Variants in UBE2H observed in about 807,000 individuals in gnomAD.
UBE2H encodes ubiquitin conjugating enzyme E2 H.
Under a neutral mutation model 29.0 loss-of-function variants are expected in UBE2H, and 3 were observed. The observed-to-expected ratio is 0.10, with a 90% confidence interval of 0.05 to 0.27. UBE2H has a LOEUF of 0.27. Among genes scored for constraint, UBE2H ranks in the 10% least tolerant of loss-of-function variants. The probability of loss-of-function intolerance (pLI) is 1.00; values close to 1 mark genes in which losing one functional copy is unlikely to be tolerated. For missense variants in UBE2H, 68 were observed against 228.2 expected, an observed-to-expected ratio of 0.30 and a Z score of 4.52; for synonymous variants, 69 against 82.9, an observed-to-expected ratio of 0.83 and a Z score of 0.91.
chr7:129,897,258 T>A (rs924373720), intron 1 of UBE2H, among the ~76,000 whole-genome samples: 4 of 152,028 alleles, frequency 2.6e-5, no homozygotes, highest in Non-Finnish European at 5.9e-5. Flanking sequence ...TACCTATAAA[T>A]CCAGAGGAAA....
intron 3 of UBE2H, chr7:129,864,929 G>T: frequency 4.2e-6 from 1 of 238,566 alleles, no homozygotes; most frequent in South Asian, 4.6e-5. Flanking sequence ...TTTTTGGACA[G>T]TTATTCTCTG....
intron 3 of UBE2H, among the ~76,000 whole-genome samples, chr7:129,860,562 AT>A (rs1805781410): frequency 6.6e-6 from 1 of 152,132 alleles, no homozygotes; most frequent in Admixed American, 6.6e-5. Flanking sequence ...TTGTTGCAAT[AT>A]TATTTATAAA....
intron 1 of UBE2H, among the ~76,000 whole-genome samples, chr7:129,906,450 C>T (rs951038650): frequency 3.9e-5 from 6 of 152,036 alleles, no homozygotes; most frequent in Non-Finnish European, 8.8e-5. Flanking sequence ...TGTGATCCAC[C>T]CACATCAGCC....
intron 1 of UBE2H, among the ~76,000 whole-genome samples, chr7:129,946,644 T>C (rs951101150): frequency 6.6e-6 from 1 of 152,056 alleles, no homozygotes; most frequent in Non-Finnish European, 1.5e-5. Context: ...CTCCAGGTGA[T>C]TATTTGTTTT....
intron 1 of UBE2H, among the ~76,000 whole-genome samples, chr7:129,895,756 C>A (rs190003356): frequency 6.6e-6 from 1 of 151,838 alleles, no homozygotes; most frequent in East Asian, 1.9e-4. Flanking sequence ...AAAAAATTAG[C>A]CGGGTGCCTG....
At chr7:129,848,600 T>A (rs1400067052) in intron 5 of UBE2H, among the ~76,000 whole-genome samples, 1 of 152,226 alleles carries the variant, frequency 6.6e-6, no homozygotes, top group African/African-American at 2.4e-5. Context: ...TTGAAACTCC[T>A]GGGAATTTCA....
At chr7:129,884,768 G>A (rs1449687202) in intron 1 of UBE2H, among the ~76,000 whole-genome samples, 2 of 151,878 alleles carry the variant, frequency 1.3e-5, no homozygotes, top group Non-Finnish European at 2.9e-5. Context: ...AGTTTTTGTA[G>A]AGACAGGGTC....
At chr7:129,914,703 TAAAG>T (rs1479690540) in intron 1 of UBE2H, among the ~76,000 whole-genome samples, 5 of 152,024 alleles carry the variant, frequency 3.3e-5, no homozygotes, top group African/African-American at 9.7e-5. Context: ...CTTGATGAAA[TAAAG>T]AACCACACTC....
chr7:129,896,005 T>C (rs1424496181), intron 1 of UBE2H, among the ~76,000 whole-genome samples: 1 of 152,110 alleles, frequency 6.6e-6, no homozygotes, highest in East Asian at 1.9e-4. Context: ...TTATGGAGTA[T>C]CTATGTAGTG....
chr7:129,895,555 C>T (rs185282012), intron 1 of UBE2H, among the ~76,000 whole-genome samples: 8 of 152,164 alleles, frequency 5.3e-5, no homozygotes, highest in African/African-American at 1.9e-4. Flanking sequence ...CTAATGAAAA[C>T]ATCTATTTAT....
Position 129,832,139 on chromosome 7 carries a change from C to T in UBE2H, c.*2798G>A, listed in dbSNP as rs1358942057. The T allele has an allele frequency of 1.3e-5, 2 of 152,240 alleles. No individual in the cohort carries two copies. The highest frequency in any genetic ancestry group is 4.8e-5 in the African/African-American group (2 of 41,456). 9.4% of individuals were successfully genotyped at this position (152,240 alleles called of 1,614,324 possible). A position where few individuals can be genotyped will look rare whatever the true frequency, so the allele number is the denominator to read the frequency against. ...CATCTATTGTTGGGGGCCCAGAGTC[C>T]TTGGATTCACTGCCAGGCCTTCTTC... is the stretch of plus-strand genomic sequence containing the variant. On this transcript the variant is annotated 3_prime_UTR_variant, in exon 7 of 7. Transcript: ENST00000355621.
At chr7:129,857,420 A>G in intron 5 of UBE2H, 91 bp downstream of exon 5, 1 of 1,412,986 alleles carries the variant, frequency 7.1e-7, no homozygotes, top group Non-Finnish European at 9.7e-7. Context: ...CATTACCAAC[A>G]AAACATCTTA....
chr7:129,868,140 A>G (rs1183941647), intron 3 of UBE2H, among the ~76,000 whole-genome samples: 1 of 152,228 alleles, frequency 6.6e-6, no homozygotes, highest in Non-Finnish European at 1.5e-5. Context: ...AATAGATTTA[A>G]TGCCAAAAAG....
chr7:129,861,033 C>T (rs1805791288), intron 3 of UBE2H, among the ~76,000 whole-genome samples: 1 of 152,042 alleles, frequency 6.6e-6, no homozygotes, highest in African/African-American at 2.4e-5. Context: ...ACCAGCCTGG[C>T]CAACATGGTG....
At chr7:129,849,372 G>T (rs1054666143) in intron 5 of UBE2H, among the ~76,000 whole-genome samples, 4 of 152,160 alleles carry the variant, frequency 2.6e-5, no homozygotes, top group Non-Finnish European at 5.9e-5. Context: ...GAAGTCAGGG[G>T]TTCAAGACCA....
At chr7:129,935,353 T>C (rs1468143995) in intron 1 of UBE2H, among the ~76,000 whole-genome samples, 1 of 147,220 alleles carries the variant, frequency 6.8e-6, no homozygotes, top group Non-Finnish European at 1.5e-5. Context: ...GCGAGGGTCA[T>C]AGTGAGCTGA....
chr7:129,945,060 T>C (rs62489378), intron 1 of UBE2H, among the ~76,000 whole-genome samples: 19,536 of 152,130 alleles, frequency 0.13, 1,595 homozygotes, highest in East Asian at 0.31. Flanking sequence ...TATACAATTC[T>C]AGAAAATGTA....
chr7:129,927,040 T>C (rs1206475182), intron 1 of UBE2H, among the ~76,000 whole-genome samples: 1 of 152,234 alleles, frequency 6.6e-6, no homozygotes, highest in East Asian at 1.9e-4. Context: ...GGAAGCCTTC[T>C]CTGATAGACT....
chr7:129,876,246 ACAATG>A (rs1375921467), intron 3 of UBE2H, among the ~76,000 whole-genome samples: 1 of 152,170 alleles, frequency 6.6e-6, no homozygotes, highest in Non-Finnish European at 1.5e-5. Context: ...AGCAGAGAAA[ACAATG>A]GGTCAGCTGC....
Sources: allele counts gnomAD v4.1 joint callset (sites outside exome capture counted in the v4.1 genomes callset), GRCh38; gene constraint gnomAD v4.1.1; transcripts MANE v1.5; gene names NCBI Gene and HGNC (gene_info 2026-07-23, HGNC 2026-07-21).